The following CDH13 variants were observed in gnomAD, a reference collection of about 807,000 sequenced individuals.
CDH13 encodes cadherin 13, also known as cadherin-13.
In CDH13, 24 loss-of-function variants were observed where a neutral mutation model predicts 63.8. The observed-to-expected ratio is 0.38, with a 90% CI of 0.27 to 0.53. The LOEUF (loss-of-function observed/expected upper bound fraction) is 0.53. Among genes scored for constraint, CDH13 ranks in the 20% least tolerant of loss-of-function variants. CDH13 has a pLI of 0.85. For synonymous variants in CDH13, 503 were observed against 355.3 expected (o/e 1.42, Z -4.67); for missense variants, 1,049 against 903.1 (o/e 1.16, Z -2.07).
intron 2 of CDH13, among the ~76,000 whole-genome samples, chr16:83,018,231 A>G (rs1914998924): frequency 6.6e-6 from 1 of 152,124 alleles, no homozygotes; most frequent in Non-Finnish European, 1.5e-5. Flanking sequence ...TTGGAGTGAA[A>G]TGGAACACTG....
At chr16:83,487,601 C>T (rs79827689) in intron 7 of CDH13, among the ~76,000 whole-genome samples, 1 of 152,164 alleles carries the variant, frequency 6.6e-6, no homozygotes, top group African/African-American at 2.4e-5. Flanking sequence ...CATCCTTAAA[C>T]CAACTCGTGG....
At position 83,296,065 on chromosome 16, in the gene CDH13, G is replaced by A. The variant is rs555995870; in HGVS notation, c.637-48797G>A. Among the ~76,000 whole-genome samples the A allele has an allele frequency of 1.6e-3, 248 of 152,236 alleles. 1 individual carries two copies. The highest frequency in any genetic ancestry group is 5.7e-3 in the African/African-American group (238 of 41,566). ...CTCTGTGTTGCAGAAACCTCTATAA[G>A]CTCCTATGTACAGATAATCTCACAG... is the stretch of plus-strand genomic sequence containing the variant. On this transcript the variant is annotated intron_variant, in intron 5 of 13. Coordinates refer to ENST00000567109, the MANE Select transcript of CDH13 (RefSeq NM_001257.5).
intron 8 of CDH13, among the ~76,000 whole-genome samples, chr16:83,647,584 C>G (rs1911954823): frequency 6.6e-6 from 1 of 152,162 alleles, no homozygotes; most frequent in South Asian, 2.1e-4. Context: ...TTCTGCAAAA[C>G]CTGATAATCA....
In CDH13 at chr16:82,781,329, C is replaced by T. The variant is rs187467721; in HGVS notation, c.46-77033C>T. ...TGCAGACCACAAGGGTCCTGCCTAC[C>T]GTTCTGCTTGCTGGTGGTTCAGGTT... On this transcript the variant is annotated intron_variant, in intron 1 of 13. Coordinates refer to ENST00000567109, the MANE Select transcript of CDH13 (RefSeq NM_001257.5). Among the ~76,000 whole-genome samples the T allele has an allele frequency of 2.8e-3, 419 of 152,218 alleles. 4 individuals carry two copies. Among genetic ancestry groups the T allele is most frequent in the East Asian group, 0.024 (126 of 5,166 alleles).
At chr16:82,958,989 C>G (rs1906546588) in intron 2 of CDH13, among the ~76,000 whole-genome samples, 1 of 152,232 alleles carries the variant, frequency 6.6e-6, no homozygotes. Flanking sequence ...CGTGCTTAGA[C>G]TTCTACAGTG....
At chr16:82,962,967 TTTTC>T (rs1217903923) in intron 2 of CDH13, among the ~76,000 whole-genome samples, 8 of 152,182 alleles carry the variant, frequency 5.3e-5, no homozygotes, top group Non-Finnish European at 7.4e-5. Flanking sequence ...GTGTAATTAT[TTTTC>T]TTCCTTTTGT....
chr16:83,329,005 G>A (rs1243481344), intron 5 of CDH13, among the ~76,000 whole-genome samples: 1 of 152,060 alleles, frequency 6.6e-6, no homozygotes, highest in Non-Finnish European at 1.5e-5. Context: ...CCCTAACCAG[G>A]GATAGTCTCT....
intron 9 of CDH13, among the ~76,000 whole-genome samples, chr16:83,671,328 A>C (rs28536785): frequency 0.13 from 20,175 of 152,140 alleles, 1,540 homozygotes; most frequent in East Asian, 0.26. Context: ...AGCTCACTGC[A>C]ATCTCCGCCT....
At chr16:82,717,249 G>A (rs571967777) in intron 1 of CDH13, among the ~76,000 whole-genome samples, 10 of 151,886 alleles carry the variant, frequency 6.6e-5, no homozygotes, top group Non-Finnish European at 1.2e-4. Context: ...AAAAATAAGG[G>A]TATGGTGAAA....
intron 1 of CDH13, among the ~76,000 whole-genome samples, chr16:82,663,021 C>T (rs1912147188): frequency 6.6e-6 from 1 of 152,164 alleles, no homozygotes; most frequent in Admixed American, 6.5e-5. Flanking sequence ...CTTGTCTCTT[C>T]CTACATGTAG....
intron 11 of CDH13, among the ~76,000 whole-genome samples, chr16:83,754,688 T>C (rs1913360972): frequency 2.0e-5 from 3 of 152,180 alleles, no homozygotes; most frequent in African/African-American, 7.2e-5. Flanking sequence ...CATTCTCTCT[T>C]TGCCTGCTGC....
At chr16:83,677,902 C>T (rs1432453069) in intron 9 of CDH13, among the ~76,000 whole-genome samples, 1 of 151,978 alleles carries the variant, frequency 6.6e-6, no homozygotes, top group African/African-American at 2.4e-5. Context: ...CACTCACTGC[C>T]CAGATCACTA....
intron 1 of CDH13, among the ~76,000 whole-genome samples, chr16:82,659,552 TA>T (rs1911691237): frequency 6.6e-6 from 1 of 152,174 alleles, no homozygotes; most frequent in African/African-American, 2.4e-5. Context: ...CAAACATGTA[TA>T]ATCCATATGC....
At chr16:83,034,853 C>T (rs1469859743) in intron 3 of CDH13, among the ~76,000 whole-genome samples, 2 of 152,114 alleles carry the variant, frequency 1.3e-5, no homozygotes, top group Admixed American at 6.5e-5. Context: ...CATCCAGAGA[C>T]AAAGCTCCCC....
At chr16:83,281,157 A>G (rs2089159994) in intron 5 of CDH13, among the ~76,000 whole-genome samples, 2 of 152,214 alleles carry the variant, frequency 1.3e-5, no homozygotes, top group South Asian at 4.1e-4. Flanking sequence ...CTGAAAATGT[A>G]TTGTTTAGTG....
At chr16:82,786,604 C>T (rs187142827) in intron 1 of CDH13, among the ~76,000 whole-genome samples, 17 of 150,962 alleles carry the variant, frequency 1.1e-4, no homozygotes, top group African/African-American at 3.9e-4. Context: ...GTGCTGCACC[C>T]GTTACCTCAT....
intron 2 of CDH13, among the ~76,000 whole-genome samples, chr16:83,031,448 C>A (rs372503530): frequency 1.4e-5 from 2 of 139,926 alleles, no homozygotes; most frequent in East Asian, 2.1e-4. Context: ...CATGTATATG[C>A]ATACACGTAT....
chr16:82,988,696 A>G (rs949570781), intron 2 of CDH13, among the ~76,000 whole-genome samples: 7 of 149,608 alleles, frequency 4.7e-5, no homozygotes, highest in Non-Finnish European at 4.4e-5. Flanking sequence ...CGGCTGGCGG[A>G]GGTTGCAGTG....
At chr16:82,961,070 C>T (rs1245991751) in intron 2 of CDH13, among the ~76,000 whole-genome samples, 1 of 152,166 alleles carries the variant, frequency 6.6e-6, no homozygotes, top group East Asian at 1.9e-4. Context: ...CTGTCGATAG[C>T]CACATGACTC....
Sources: gnomAD v4.1 joint callset for allele counts (sites outside exome capture counted in the v4.1 genomes callset) on GRCh38, gnomAD v4.1.1 for gene constraint, MANE v1.5 for transcripts, NCBI Gene and HGNC (gene_info 2026-07-23, HGNC 2026-07-21) for gene names.